The following SORCS1 variants were observed in gnomAD, a reference collection of about 807,000 sequenced individuals.
SORCS1 encodes the protein sortilin related VPS10 domain containing receptor 1, also known as VPS10 domain-containing receptor SorCS1.
In SORCS1, 60 loss-of-function variants were observed where a neutral mutation model predicts 146.1. The ratio of observed to expected loss-of-function variants is 0.41; its 90% CI spans 0.33 to 0.51. The LOEUF is 0.51. SORCS1 is among the 20% of genes least tolerant of loss of function. The pLI is 0.21. For synonymous variants in SORCS1, 637 were observed against 584.0 expected (o/e 1.09, Z -1.31); for missense variants, 1,352 against 1,487.6 (o/e 0.91, Z 1.50).
At position 106,597,311 on chromosome 10, in the gene SORCS1, C is replaced by A. The variant is rs377759088; in HGVS notation, c.3265+40G>T. 5.4e-4 allele frequency: 833 copies of A among 1,551,024 alleles called. 1 individual carries two copies. The highest frequency in any genetic ancestry group is 7.1e-4 in the Non-Finnish European group (798 of 1,123,670). ...GAAGCACGGACTAGGATTCCCTTTG[C>A]CAGAGCCACCAGCCAGAACCCCGGG... On this transcript the variant is annotated intron_variant, in intron 24 of 25. Transcript: ENST00000263054.
At chr10:106,667,435 C>T (rs989052406) in intron 17 of SORCS1, 3 of 428,994 alleles carry the variant, frequency 7.0e-6, no homozygotes, top group African/African-American at 5.9e-5. Flanking sequence ...AATGAAGACA[C>T]TTTTAATATC....
chr10:106,832,955 GATTAT>G (rs572146986), intron 2 of SORCS1, among the ~76,000 whole-genome samples: 8 of 152,156 alleles, frequency 5.3e-5, no homozygotes, highest in African/African-American at 1.4e-4. Context: ...GGCAAATGAG[GATTAT>G]ATTATAAGGA....
chr10:107,033,161 A>C (rs950169359), intron 1 of SORCS1, among the ~76,000 whole-genome samples: 13 of 152,184 alleles, frequency 8.5e-5, no homozygotes, highest in African/African-American at 3.1e-4. Flanking sequence ...ACATATTCTC[A>C]CAGCCAGCAG....
At position 106,643,550 on chromosome 10, in the gene SORCS1, C is replaced by T. The variant is rs375143922; in HGVS notation, c.2475+8832G>A. 8.5e-5 allele frequency among the ~76,000 whole-genome samples: 13 copies of T among 152,384 alleles called. No homozygotes were observed. The South Asian group carries it at 2.5e-3, about 29-fold the overall frequency. On this transcript the variant is annotated intron_variant, in intron 18 of 25. Transcript: ENST00000263054. The stretch of plus-strand genomic sequence containing the variant: ...TAAAGAAGATGCTCTTGGCTTGGTG[C>T]TCTGCACCAGGAGAACAGAGTGTCA...
chr10:106,850,695 G>A (rs1949530585), intron 2 of SORCS1, among the ~76,000 whole-genome samples: 1 of 152,172 alleles, frequency 6.6e-6, no homozygotes, highest in Non-Finnish European at 1.5e-5. Context: ...TTACAAATGT[G>A]TATGTATCTC....
At chr10:106,870,194 G>T (rs1269747846) in intron 2 of SORCS1, among the ~76,000 whole-genome samples, 1 of 152,040 alleles carries the variant, frequency 6.6e-6, no homozygotes, top group Non-Finnish European at 1.5e-5. Flanking sequence ...AATCAGAAAA[G>T]ACACAAACAA....
chr10:106,990,346 T>G (rs771021269), intron 1 of SORCS1, among the ~76,000 whole-genome samples: 22 of 152,168 alleles, frequency 1.4e-4, no homozygotes, highest in Non-Finnish European at 3.1e-4. Flanking sequence ...CTTGGCTCAC[T>G]GCAACCTTCA....
intron 10 of SORCS1, among the ~76,000 whole-genome samples, chr10:106,681,485 C>T (rs1299025839): frequency 1.3e-5 from 2 of 152,136 alleles, no homozygotes; most frequent in East Asian, 3.8e-4. Context: ...TAAATAGAAG[C>T]TTGCAATATC....
At position 107,062,426 on chromosome 10, in the gene SORCS1, T is replaced by TTAATTATAATTATAATTATAAACA. The variant is rs1554936464; in HGVS notation, c.558+101519_558+101542dup. Among the ~76,000 whole-genome samples, 11 of 152,088 alleles carry TTAATTATAATTATAATTATAAACA rather than the reference T, an allele frequency of 7.2e-5. No homozygotes were observed. In the East Asian group the frequency reaches 1.4e-3, roughly 19 times the overall value. Reference sequence around the variant, plus strand: ...CATTTAGGTTATAATTACAGTTACTTTAATTATAATTATAATTATAAACAT... The same window carrying TTAATTATAATTATAATTATAAACA: ...CATTTAGGTTATAATTACAGTTACTTTAATTATAATTATAATTATAAACATAATTATAATTATAATTATAAACAT... On this transcript the variant is annotated intron_variant, in intron 1 of 25. Transcript: ENST00000263054.
chr10:106,659,087 T>C (rs1359703441), intron 17 of SORCS1, among the ~76,000 whole-genome samples: 3 of 152,178 alleles, frequency 2.0e-5, no homozygotes, highest in Non-Finnish European at 4.4e-5. Flanking sequence ...TCAACAATAA[T>C]CTTATGTAGC....
chr10:106,972,219 T>C (rs1214562079), intron 1 of SORCS1, among the ~76,000 whole-genome samples: 1 of 151,802 alleles, frequency 6.6e-6, no homozygotes, highest in Non-Finnish European at 1.5e-5. Context: ...CTGTCTCTAC[T>C]AAAAATACAA....
chr10:106,887,685 T>C (rs1231982926), intron 2 of SORCS1, among the ~76,000 whole-genome samples: 1 of 152,146 alleles, frequency 6.6e-6, no homozygotes, highest in Non-Finnish European at 1.5e-5. Flanking sequence ...AATAATTAGC[T>C]TAAAACATAC....
chr10:107,117,361 C>A (rs1216374999), intron 1 of SORCS1, among the ~76,000 whole-genome samples: 1 of 152,146 alleles, frequency 6.6e-6, no homozygotes, highest in Non-Finnish European at 1.5e-5. Context: ...ACAATGACCC[C>A]GGAAGGCCAT....
chr10:106,890,475 C>G (rs928599397), intron 2 of SORCS1, among the ~76,000 whole-genome samples: 1 of 151,522 alleles, frequency 6.6e-6, no homozygotes, highest in Non-Finnish European at 1.5e-5. Flanking sequence ...GAAAAAAAAA[C>G]AAAGGTCTAT....
intron 2 of SORCS1, among the ~76,000 whole-genome samples, chr10:106,852,314 TA>T (rs1280553025): frequency 1.3e-5 from 2 of 152,114 alleles, no homozygotes; most frequent in African/African-American, 4.8e-5. Context: ...AGGTATTTTG[TA>T]GATGTTTCTT....
chr10:106,590,423 A>G (rs1845531027), intron 24 of SORCS1, among the ~76,000 whole-genome samples: 1 of 152,212 alleles, frequency 6.6e-6, no homozygotes, highest in East Asian at 1.9e-4. Context: ...AGTAAGGCAT[A>G]GAGTCATGTG....
At chr10:107,038,923 G>A (rs1959037883) in intron 1 of SORCS1, among the ~76,000 whole-genome samples, 1 of 151,994 alleles carries the variant, frequency 6.6e-6, no homozygotes, top group African/African-American at 2.4e-5. Flanking sequence ...TAGAGTTAAT[G>A]CAAAATAAAG....
intron 5 of SORCS1, among the ~76,000 whole-genome samples, chr10:106,731,230 T>C (rs1214893964): frequency 1.4e-5 from 2 of 145,800 alleles, no homozygotes; most frequent in African/African-American, 5.3e-5. Flanking sequence ...GAGGTAGAGC[T>C]TGCAGTGAGC....
intron 18 of SORCS1, among the ~76,000 whole-genome samples, chr10:106,646,189 T>C (rs1253577000): frequency 6.6e-6 from 1 of 151,034 alleles, no homozygotes; most frequent in Admixed American, 6.6e-5. Context: ...CGCTTAAACC[T>C]GGGAGGCGGC....
Sources: gnomAD v4.1 joint callset for allele counts (sites outside exome capture counted in the v4.1 genomes callset) on GRCh38, gnomAD v4.1.1 for gene constraint, MANE v1.5 for transcripts, NCBI Gene and HGNC (gene_info 2026-07-23, HGNC 2026-07-21) for gene names.